The following ITIH1 variants were observed in gnomAD, a reference collection of about 807,000 sequenced individuals.
ITIH1 encodes inter-alpha-trypsin inhibitor heavy chain H1.
Under a neutral mutation model 104.6 loss-of-function variants are expected in ITIH1, and 94 were observed. The ratio of observed to expected loss-of-function variants is 0.90; its 90% CI spans 0.76 to 1.07. The LOEUF is 1.07. ITIH1 is among the 50% of genes least tolerant of loss of function. The pLI, the probability that ITIH1 is intolerant of heterozygous loss-of-function variation, is 0.00. For synonymous variants in ITIH1, 455 were observed against 464.4 expected (o/e 0.98, Z 0.26); for missense variants, 1,193 against 1,181.4 (o/e 1.01, Z -0.14).
intron 11 of ITIH1, 29 bp downstream of exon 11, chr3:52,784,506 A>G (rs1156556585): frequency 6.3e-7 from 1 of 1,599,244 alleles, no homozygotes. Flanking sequence ...CTGTACCTCC[A>G]ATGGCATGCC....
In ITIH1 at chr3:52,791,619, C is replaced by T. The variant is rs138804595; in HGVS notation, c.2597C>T (p.Thr866Met). 6.4e-5 allele frequency: 103 copies of T among 1,613,712 alleles called. No homozygotes were observed. The highest frequency in any genetic ancestry group is 7.4e-5 in the Non-Finnish European group (87 of 1,179,888). The change falls in exon 21 of 22, where the codon ACG (threonine) becomes ATG (methionine). Residue 866 changes from threonine to methionine, a missense_variant. Thr to Met is a moderately conservative substitution (Grantham distance 81, BLOSUM62 -1). Coordinates refer to ENST00000273283, the MANE Select transcript of ITIH1 (RefSeq NM_002215.4). Reference protein sequence around the residue: ...ATMVVRNRRLTVTRGLQKDYS... With the variant: ...ATMVVRNRRLMVTRGLQKDYS... ...ATGGTGGTGAGGAACCGCCGGCTCACGGTCACCAGGTGGGTGGGCTGCTTG... is the reference window on the plus strand; with the variant it reads ...ATGGTGGTGAGGAACCGCCGGCTCATGGTCACCAGGTGGGTGGGCTGCTTG...
Position 52,790,937 on chromosome 3 carries a change from C to T in ITIH1, c.2494+16C>T, listed in dbSNP as rs1396102240. The T allele has an allele frequency of 1.3e-6, 2 of 1,587,584 alleles. No individual in the cohort carries two copies. The highest frequency in any genetic ancestry group is 1.4e-5 in the African/African-American group (1 of 73,210). ...GGGCTGCTGGGTACGGCTGGCCAGG[C>T]TGGCAGGGCTGTGGGGAAGGGTGTT... On this transcript the variant is annotated intron_variant, in intron 20 of 21. Transcript: ENST00000273283.
At chr3:52,782,638 C>A (rs1484061348) in intron 8 of ITIH1, among the ~76,000 whole-genome samples, 2 of 152,150 alleles carry the variant, frequency 1.3e-5, no homozygotes, top group Non-Finnish European at 2.9e-5. Flanking sequence ...GTTTGGAGTG[C>A]CCTGTCCATG....
chr3:52,779,491 A>C lies in ITIH1; in HGVS notation c.470A>C (p.Lys157Thr). The change falls in exon 5 of 22, where the codon AAG becomes ACG. Residue 157 changes from lysine (K) to threonine (T), a missense_variant. By Grantham distance (78) the Lys-to-Thr change is moderately conservative. Coordinates refer to ENST00000273283, the MANE Select transcript of ITIH1 (RefSeq NM_002215.4). This position sits in a 1 kb window ranked among gnomAD's most constrained non-coding sequence, Gnocchi z 4.4. Reference protein sequence around the residue: ...TIHLTVNPQSKVTFQLTYEEV... With the variant: ...TIHLTVNPQSTVTFQLTYEEV... ...CACCTCACCGTCAATCCCCAGAGCA[A>C]GGTCACGTTTCAGCTGACTTATGAG... The C allele has an allele frequency of 6.2e-7, 1 of 1,614,260 alleles. No homozygotes were observed. Among genetic ancestry groups the C allele is most frequent in the East Asian group, 2.2e-5 (1 of 44,888 alleles).
At position 52,787,588 on chromosome 3, in the gene ITIH1, A is replaced by C; in HGVS notation, c.1904-4A>C. ...CTTCGATAATATGTCCTTGTCTTCTACAGAGATGCTGGGACCCAGAAGGAG... is the reference window on the plus strand; with the variant it reads ...CTTCGATAATATGTCCTTGTCTTCTCCAGAGATGCTGGGACCCAGAAGGAG... On this transcript the variant is annotated splice_polypyrimidine_tract_variant and splice_region_variant and intron_variant, in intron 15 of 21. Transcript: ENST00000273283. The C allele has an allele frequency of 6.2e-7, 1 of 1,614,178 alleles. No homozygotes were observed. Among genetic ancestry groups the C allele is most frequent in the Non-Finnish European group, 8.5e-7 (1 of 1,180,006 alleles).
rs150656991 is a variant in ITIH1 at position 52,778,362 on chromosome 3, G to A, written c.161G>A (p.Arg54Gln). Residue 54 changes from arginine (R) to glutamine (Q), a missense_variant, in exon 3 of 22, where the codon CGG (arginine) becomes CAG (glutamine). By Grantham distance (43) the Arg-to-Gln change is conservative (BLOSUM62 1). Coordinates refer to ENST00000273283, the MANE Select transcript of ITIH1 (RefSeq NM_002215.4). ...TAGGCTGTCGATGGCGTGTTCATCCGGAGTTTGAAAGTCAACTGCAAAGTC... is the reference window on the plus strand; with the variant it reads ...TAGGCTGTCGATGGCGTGTTCATCCAGAGTTTGAAAGTCAACTGCAAAGTC... Reference protein sequence around the residue: ...VDTAVDGVFIRSLKVNCKVTS... With the variant: ...VDTAVDGVFIQSLKVNCKVTS... The A allele has an allele frequency of 3.1e-4, 501 of 1,614,182 alleles. No homozygotes were observed. The highest frequency in any genetic ancestry group is 3.6e-4 in the Non-Finnish European group (425 of 1,180,026).
At chr3:52,790,668 G>A (rs114684486) in intron 19 of ITIH1, 81 bp from the exon 20 acceptor site, 2 of 1,430,978 alleles carry the variant, frequency 1.4e-6, no homozygotes, top group African/African-American at 2.9e-5. Context: ...CATAAGGGTT[G>A]GGTCCCAGAT....
At chr3:52,787,156 C>T (rs1009379838) in intron 14 of ITIH1, 32 bp from the exon 15 acceptor site, 1 of 1,614,192 alleles carries the variant, frequency 6.2e-7, no homozygotes, top group African/African-American at 1.3e-5. Context: ...ACCTCTGGGG[C>T]TCTAATTATT....
At chr3:52,787,329 C>T (rs1425512880) in intron 15 of ITIH1, 127 bp downstream of exon 15, 12 of 1,372,632 alleles carry the variant, frequency 8.7e-6, no homozygotes, top group South Asian at 2.3e-5. Flanking sequence ...CCCGTTCTTC[C>T]GTCCCCTGAG....
At chr3:52,790,982 G>A in intron 20 of ITIH1, 61 bp downstream of exon 20, 1 of 1,508,728 alleles carries the variant, frequency 6.6e-7, no homozygotes, top group Non-Finnish European at 8.9e-7. Flanking sequence ...GGACATGTGG[G>A]ACCTGGGGCC....
chr3:52,791,255 A>G (rs1559466976), intron 20 of ITIH1, among the ~76,000 whole-genome samples: 1 of 127,660 alleles, frequency 7.8e-6, no homozygotes, highest in Non-Finnish European at 1.7e-5. Flanking sequence ...ACTGCTCTCT[A>G]TGGGCACCTG....
chr3:52,778,279 G>A, intron 2 of ITIH1, 61 bp from the exon 3 acceptor site: 2 of 1,547,800 alleles, frequency 1.3e-6, no homozygotes, highest in Non-Finnish European at 1.8e-6. Context: ...CCGTACCACA[G>A]GAAGTCCCTC....
Position 52,788,323 on chromosome 3 carries a change from C to G in ITIH1, c.2097C>G (p.Ser699Arg). Residue 699 changes from serine (S) to arginine (R), a missense_variant, in exon 18 of 22, where the codon AGC becomes AGG. Physicochemically the swap from Ser to Arg is moderately radical, Grantham distance 110. Coordinates refer to ENST00000273283, the MANE Select transcript of ITIH1 (RefSeq NM_002215.4). Reference sequence around the variant, plus strand: ...ATGAGGAGCCTGGTGTTATCCTGAGCCTGGTACAGGACCCCAACACAGGTA... The same window carrying G: ...ATGAGGAGCCTGGTGTTATCCTGAGGCTGGTACAGGACCCCAACACAGGTA... The part of the protein sequence containing the change: ...NINEEPGVIL[S>R]LVQDPNTGFS... The G allele has an allele frequency of 6.2e-7, 1 of 1,606,624 alleles. No homozygotes were observed. Among genetic ancestry groups the G allele is most frequent in the Non-Finnish European group, 8.5e-7 (1 of 1,176,130 alleles).
intron 3 of ITIH1, 25 bp downstream of exon 3, chr3:52,778,531 C>T: frequency 6.2e-7 from 1 of 1,613,080 alleles, no homozygotes; most frequent in Non-Finnish European, 8.5e-7. Flanking sequence ...AACTCCCATG[C>T]CTTCTCCCAG....
chr3:52,777,957 G>A, intron 1 of ITIH1, 40 bp from the exon 2 acceptor site: 1 of 1,613,928 alleles, frequency 6.2e-7, no homozygotes, highest in Non-Finnish European at 8.5e-7. Context: ...GTGGTCCCCT[G>A]AGTTTTCCTC....
intron 19 of ITIH1, 199 bp downstream of exon 19, chr3:52,790,053 A>C: frequency 1.7e-6 from 1 of 605,514 alleles, no homozygotes. Flanking sequence ...GCCCAGCTGC[A>C]TGGCAACTGT....
Position 52,782,148 on chromosome 3 carries a change from C to A in ITIH1, c.814-3C>A, listed in dbSNP as rs983540915. The A allele has an allele frequency of 1.2e-6, 2 of 1,614,002 alleles. No homozygotes were observed. The highest frequency in any genetic ancestry group is 8.5e-7 in the Non-Finnish European group (1 of 1,179,996). On this transcript the variant is annotated splice_region_variant and splice_polypyrimidine_tract_variant and intron_variant, in intron 7 of 21. Coordinates refer to ENST00000273283, the MANE Select transcript of ITIH1 (RefSeq NM_002215.4). ...TGGCCTCACTCGTTCTCCTCTATTTCAGGTGGCCAATAACCACTTTGCCCA... is the reference window on the plus strand; with the variant it reads ...TGGCCTCACTCGTTCTCCTCTATTTAAGGTGGCCAATAACCACTTTGCCCA...
At chr3:52,790,972 G>A (rs759749919) in intron 20 of ITIH1, 51 bp downstream of exon 20, 2 of 1,537,188 alleles carry the variant, frequency 1.3e-6, no homozygotes, top group Non-Finnish European at 1.7e-6. Flanking sequence ...TGAAGCCAGA[G>A]GACATGTGGG....
Position 52,783,003 on chromosome 3 carries a change from A to C in ITIH1, c.977A>C (p.Asp326Ala), listed in dbSNP as rs1699102424. The change falls in exon 9 of 22, where the codon GAC (aspartate) becomes GCC (alanine). Residue 326 changes from aspartate to alanine, a missense_variant. Physicochemically the swap from Asp to Ala is moderately radical, Grantham distance 126 (BLOSUM62 -2). Coordinates refer to ENST00000273283, the MANE Select transcript of ITIH1 (RefSeq NM_002215.4). ...LKILGDMQPG[D>A]YFDLVLFGTR... is the part of the protein sequence containing the mutation. The stretch of plus-strand genomic sequence containing the variant: ...ATTCTGGGGGACATGCAGCCAGGGG[A>C]CTACTTTGACCTGGTTCTTTTTGGG... The C allele has an allele frequency of 2.5e-6, 4 of 1,613,980 alleles. No individual in the cohort carries two copies. Among genetic ancestry groups the C allele is most frequent in the Non-Finnish European group, 3.4e-6 (4 of 1,179,978 alleles).
Sources: allele counts gnomAD v4.1 joint callset (sites outside exome capture counted in the v4.1 genomes callset), GRCh38; gene constraint gnomAD v4.1.1; non-coding constraint Gnocchi (gnomAD v3.1); transcripts MANE v1.5; gene names NCBI Gene and HGNC (gene_info 2026-07-23, HGNC 2026-07-21).